ABCC9: variants seen among roughly 807,000 people sequenced by gnomAD.
ABCC9 encodes the protein ATP binding cassette subfamily C member 9.
A neutral mutation model predicts 188.3 loss-of-function variants in ABCC9; 95 were observed. That is an observed-to-expected ratio of 0.50 (90% confidence interval 0.43 to 0.60). The LOEUF (loss-of-function observed/expected upper bound fraction) is 0.60, where lower values mean the gene tolerates loss of function less well. ABCC9 is among the 20% of genes least tolerant of loss of function. The pLI, the probability that ABCC9 is intolerant of heterozygous loss-of-function variation, is 0.00. For synonymous variants in ABCC9, 659 were observed against 652.7 expected, an observed-to-expected ratio of 1.01 and a Z score of -0.15; for missense variants, 1,102 against 1,876.3, an observed-to-expected ratio of 0.59 and a Z score of 7.62.
chr12:21,864,406 CT>C, intron 19 of ABCC9, 32 bp downstream of exon 19: 1 of 1,476,930 alleles, frequency 6.8e-7, no homozygotes, highest in Non-Finnish European at 9.5e-7. Context: ...GGAAGTTATT[CT>C]TATTAAACTC....
chr12:21,926,600 G>C (rs1949055362), intron 4 of ABCC9, among the ~76,000 whole-genome samples: 1 of 152,128 alleles, frequency 6.6e-6, no homozygotes, highest in African/African-American at 2.4e-5. Context: ...ATAGCAAATA[G>C]GAAATTACAA....
chr12:21,900,964 A>C (rs1214831333), intron 12 of ABCC9, among the ~76,000 whole-genome samples: 1 of 152,206 alleles, frequency 6.6e-6, no homozygotes, highest in Admixed American at 6.5e-5. Context: ...CGCCACAAAG[A>C]TAATCCTCGA....
intron 4 of ABCC9, 129 bp from the exon 5 acceptor site, chr12:21,926,192 T>C (rs1949038784): frequency 8.7e-6 from 11 of 1,258,722 alleles, no homozygotes; most frequent in Non-Finnish European, 1.0e-5. Flanking sequence ...AATAGTAGTT[T>C]CCAAGATAAT....
At chr12:21,940,131 A>G (rs571179421) in intron 2 of ABCC9, among the ~76,000 whole-genome samples, 105 of 152,340 alleles carry the variant, frequency 6.9e-4, no homozygotes, top group Admixed American at 1.5e-3. Context: ...AAGCAAGTGA[A>G]AACTTGTCTT....
intron 25 of ABCC9, 64 bp downstream of exon 25, chr12:21,848,086 C>T (rs1339257001): frequency 7.0e-7 from 1 of 1,432,058 alleles, no homozygotes; most frequent in African/African-American, 1.4e-5. Flanking sequence ...GACACTCACA[C>T]ATAAAAAACC....
intron 22 of ABCC9, among the ~76,000 whole-genome samples, chr12:21,857,299 A>G (rs1240666959): frequency 6.6e-6 from 1 of 152,204 alleles, no homozygotes; most frequent in Non-Finnish European, 1.5e-5. Flanking sequence ...TGAAAATACT[A>G]TGCTTGCTTG....
intron 33 of ABCC9, 78 bp from the exon 34 acceptor site, chr12:21,815,971 A>C: frequency 3.8e-6 from 4 of 1,047,592 alleles, no homozygotes; most frequent in Non-Finnish European, 5.6e-6. Flanking sequence ...ACATACTTAA[A>C]TACATTTATA....
intron 30 of ABCC9, among the ~76,000 whole-genome samples, chr12:21,833,569 T>C (rs1165704858): frequency 6.6e-6 from 1 of 152,138 alleles, no homozygotes; most frequent in South Asian, 2.1e-4. Context: ...ATCTTCCTCA[T>C]TCCCTTCACG....
At chr12:21,888,153 C>G (rs1464350523) in intron 14 of ABCC9, among the ~76,000 whole-genome samples, 1 of 152,026 alleles carries the variant, frequency 6.6e-6, no homozygotes, top group Non-Finnish European at 1.5e-5. Context: ...GTACTAAAAC[C>G]AGAAAAATGT....
chr12:21,830,040 CTG>C (rs1167694470), intron 30 of ABCC9, among the ~76,000 whole-genome samples: 2 of 152,104 alleles, frequency 1.3e-5, no homozygotes, highest in African/African-American at 4.8e-5. Flanking sequence ...GGAATTTGGT[CTG>C]TGTACTTTCA....
In ABCC9 at chr12:21,812,090, T is replaced by G. The variant is rs759385607; in HGVS notation, c.4170A>C (p.Ser1390=). The change falls in exon 36 of 40, where the codon TCA becomes TCC. Residue 1390 remains serine (S), a synonymous_variant. Transcript: ENST00000261200. ...ATAGTATTGGATCCTGCAGAATGAT[T>G]GAAAGTCTAGAACGTAGTGTGTGCA... is the stretch of plus-strand genomic sequence containing the variant. ...LPLHTLRSRL[S]IILQDPILFS... 1 of 1,613,186 alleles carries G rather than the reference T, an allele frequency of 6.2e-7. No individual in the cohort carries two copies. Among genetic ancestry groups the G allele is most frequent in the East Asian group, 2.2e-5 (1 of 44,822 alleles).
chr12:21,830,217 C>G (rs1943679530), intron 30 of ABCC9, among the ~76,000 whole-genome samples: 1 of 152,154 alleles, frequency 6.6e-6, no homozygotes, highest in Admixed American at 6.5e-5. Flanking sequence ...CAAAGAAATT[C>G]ATGTTACATG....
intron 36 of ABCC9, among the ~76,000 whole-genome samples, chr12:21,810,532 T>C (rs2137137819): frequency 6.6e-6 from 1 of 152,248 alleles, no homozygotes; most frequent in East Asian, 1.9e-4. Flanking sequence ...CTTCACATGG[T>C]GGCAGGAGAG....
intron 30 of ABCC9, among the ~76,000 whole-genome samples, chr12:21,836,916 G>A (rs973931994): frequency 1.3e-5 from 2 of 152,190 alleles, no homozygotes; most frequent in African/African-American, 4.8e-5. Context: ...GCAGGTGTAT[G>A]TGGGGAGGAT....
At chr12:21,921,603 C>T (rs1467627650) in intron 5 of ABCC9, among the ~76,000 whole-genome samples, 1 of 151,928 alleles carries the variant, frequency 6.6e-6, no homozygotes, top group Non-Finnish European at 1.5e-5. Flanking sequence ...CATTATTGCT[C>T]TGGTTGCCTG....
chr12:21,936,017 T>C (rs1747192621), intron 3 of ABCC9, among the ~76,000 whole-genome samples: 1 of 152,182 alleles, frequency 6.6e-6, no homozygotes, highest in South Asian at 2.1e-4. Context: ...GTAACTTGCA[T>C]GCTTGGCATC....
At chr12:21,876,551 A>G (rs1397486702) in intron 16 of ABCC9, among the ~76,000 whole-genome samples, 1 of 152,242 alleles carries the variant, frequency 6.6e-6, no homozygotes, top group Admixed American at 6.5e-5. Flanking sequence ...ATAAACGTCA[A>G]TAATCAGGAA....
chr12:21,805,189 C>T, intron 39 of ABCC9: 1 of 1,613,976 alleles, frequency 6.2e-7, no homozygotes, highest in Non-Finnish European at 8.5e-7. Context: ...TGTTGGTCAT[C>T]ACCAAAGTGG....
chr12:21,931,505 G>A (rs534679376), intron 4 of ABCC9, among the ~76,000 whole-genome samples: 3 of 152,036 alleles, frequency 2.0e-5, no homozygotes, highest in Admixed American at 2.0e-4. Context: ...CAGAATCAAG[G>A]CTGTATTTTT....
Sources: gnomAD v4.1 joint callset for allele counts (sites outside exome capture counted in the v4.1 genomes callset) on GRCh38, gnomAD v4.1.1 for gene constraint, MANE v1.5 for transcripts, NCBI Gene and HGNC (gene_info 2026-07-23, HGNC 2026-07-21) for gene names.